Variants in FLOT1 observed in about 807,000 individuals in gnomAD.
FLOT1 encodes the protein flotillin-1.
A neutral mutation model predicts 58.4 loss-of-function variants in FLOT1; 40 were observed. That is an observed-to-expected ratio of 0.69 (90% confidence interval 0.53 to 0.89). The LOEUF (loss-of-function observed/expected upper bound fraction) is 0.89, where lower values mean the gene tolerates loss of function less well. Ranked by LOEUF, FLOT1 falls within the 40% of genes least tolerant of loss-of-function variation. The probability of loss-of-function intolerance (pLI) is 0.00; values close to 1 mark genes in which losing one functional copy is unlikely to be tolerated. For missense variants in FLOT1, 423 were observed against 540.8 expected (o/e 0.78, Z 2.16); for synonymous variants, 178 against 204.2 (o/e 0.87, Z 1.09).
At position 30,727,973 on chromosome 6, in the gene FLOT1, C is replaced by T; in HGVS notation, c.*143G>A. On this transcript the variant is annotated 3_prime_UTR_variant, in exon 13 of 13. Coordinates refer to ENST00000376389, the MANE Select transcript of FLOT1 (RefSeq NM_005803.4). ...GGGAGCAACCCCCTTCAAGACAAGG[C>T]ACAAACTATTTGGCAAGGAGAGATG... 1.2e-6 allele frequency: 1 copy of T among 805,734 alleles called. No individual in the cohort carries two copies. Among genetic ancestry groups the T allele is most frequent in the Non-Finnish European group, 2.2e-6 (1 of 464,310 alleles). 49.9% of individuals were successfully genotyped at this position (805,734 alleles called of 1,614,324 possible).
At chr6:30,732,758 G>A (rs978480523) in intron 8 of FLOT1, among the ~76,000 whole-genome samples, 2 of 151,966 alleles carry the variant, frequency 1.3e-5, no homozygotes, top group African/African-American at 2.4e-5. Context: ...ACCTTCCCCC[G>A]GGCCCATCTG....
At position 30,741,942 on chromosome 6, in the gene FLOT1, G is replaced by T; in HGVS notation, c.44-75C>A. The T allele has an allele frequency of 7.1e-7, 1 of 1,401,224 alleles. No individual in the cohort carries two copies. Among genetic ancestry groups the T allele is most frequent in the Non-Finnish European group, 1.0e-6 (1 of 993,946 alleles). 86.8% of individuals were successfully genotyped at this position (1,401,224 alleles called of 1,614,324 possible). A position where few individuals can be genotyped will look rare whatever the true frequency, so the allele number is the denominator to read the frequency against. On this transcript the variant is annotated intron_variant, in intron 2 of 12. Transcript: ENST00000376389. The surrounding 1 kb of genome is among the most constrained non-coding windows in gnomAD (Gnocchi z 5.9). ...GACTGAGGAACTGGCGGGGGTGAGG[G>T]GACAGCAACCCACAGGAGAGAATCT... is the stretch of plus-strand genomic sequence containing the variant.
intron 10 of FLOT1, 22 bp downstream of exon 10, chr6:30,730,660 A>G (rs762699731): frequency 6.2e-7 from 1 of 1,613,816 alleles, no homozygotes; most frequent in South Asian, 1.1e-5. Flanking sequence ...ACAAGCCAGC[A>G]TGGAACTGCC....
chr6:30,742,319 G>A lies in FLOT1; in HGVS notation c.-14-116C>T. On this transcript the variant is annotated intron_variant, in intron 1 of 12. Coordinates refer to ENST00000376389, the MANE Select transcript of FLOT1 (RefSeq NM_005803.4). This position sits in a 1 kb window ranked among gnomAD's most constrained non-coding sequence, Gnocchi z 5.2. ...TCCCAGTCTGCATCCGCCACGGCCC[G>A]TCCCTTCTACACCCATGGGTCCGCT... 1 of 855,090 alleles carries A rather than the reference G, an allele frequency of 1.2e-6. No individual in the cohort carries two copies. The highest frequency in any genetic ancestry group is 2.0e-6 in the Non-Finnish European group (1 of 504,730). 53.0% of individuals were successfully genotyped at this position (855,090 alleles called of 1,614,324 possible). A position where few individuals can be genotyped will look rare whatever the true frequency, so the allele number is the denominator to read the frequency against.
In FLOT1 at chr6:30,741,884, A is replaced by C; in HGVS notation, c.44-17T>G. 6.2e-7 allele frequency: 1 copy of C among 1,610,228 alleles called. No individual in the cohort carries two copies. Among genetic ancestry groups the C allele is most frequent in the African/African-American group, 1.3e-5 (1 of 74,960 alleles). On this transcript the variant is annotated splice_polypyrimidine_tract_variant and intron_variant, in intron 2 of 12. Coordinates refer to ENST00000376389, the MANE Select transcript of FLOT1 (RefSeq NM_005803.4). This position sits in a 1 kb window ranked among gnomAD's most constrained non-coding sequence, Gnocchi z 5.9. Reference sequence around the variant, plus strand: ...GGCAGAACCCTGCAAGGTGTGGGGCAGTGAGGAACGGTGGCAGAGCTTGAA... The same window carrying C: ...GGCAGAACCCTGCAAGGTGTGGGGCCGTGAGGAACGGTGGCAGAGCTTGAA...
In FLOT1 at chr6:30,737,435, T is replaced by A. The variant is rs1562188993; in HGVS notation, c.723+2723A>T. On this transcript the variant is annotated intron_variant, in intron 8 of 12. Transcript: ENST00000376389. This position sits in a 1 kb window ranked among gnomAD's most constrained non-coding sequence, Gnocchi z 4.4. Reference sequence around the variant, plus strand: ...CCACACCCGGCTAATATTTTTTGTATTTTTGGTAGAGACAGGGTTTCACTG... The same window carrying A: ...CCACACCCGGCTAATATTTTTTGTAATTTTGGTAGAGACAGGGTTTCACTG... Among the ~76,000 whole-genome samples, 4 of 152,096 alleles carry A rather than the reference T, an allele frequency of 2.6e-5. No homozygotes were observed. Among genetic ancestry groups the A allele is most frequent in the Admixed American group, 2.0e-4 (3 of 15,252 alleles).
intron 8 of FLOT1, among the ~76,000 whole-genome samples, chr6:30,738,130 G>A (rs1295454838): frequency 1.3e-5 from 2 of 152,138 alleles, no homozygotes; most frequent in Non-Finnish European, 2.9e-5. Flanking sequence ...AAACTCCAAT[G>A]TGCATACAAA....
At chr6:30,729,956 T>G in intron 12 of FLOT1, 66 bp downstream of exon 12, 1 of 1,451,340 alleles carries the variant, frequency 6.9e-7, no homozygotes, top group Non-Finnish European at 9.6e-7. Flanking sequence ...GGTTAAATGC[T>G]AGGCATACTG....
At chr6:30,734,309 CTT>C (rs568968027) in intron 8 of FLOT1, among the ~76,000 whole-genome samples, 23 of 135,746 alleles carry the variant, frequency 1.7e-4, no homozygotes, top group Non-Finnish European at 1.8e-4. Context: ...ATGTGCTTGA[CTT>C]TTTTTTTTTT....
chr6:30,738,247 T>TAA (rs1482497143), intron 8 of FLOT1, among the ~76,000 whole-genome samples: 4 of 152,224 alleles, frequency 2.6e-5, no homozygotes, highest in Non-Finnish European at 5.9e-5. Flanking sequence ...GCAGTGATGC[T>TAA]GCAGCTGCTG....
chr6:30,740,895 T>A (rs1186694892), intron 5 of FLOT1, 97 bp from the exon 6 acceptor site: 6 of 1,480,988 alleles, frequency 4.1e-6, no homozygotes, highest in Non-Finnish European at 5.4e-6. Context: ...CAAGTGATTC[T>A]CCTGCCTCAG....
chr6:30,739,374 T>C (rs1374893923), intron 8 of FLOT1, among the ~76,000 whole-genome samples: 2 of 151,926 alleles, frequency 1.3e-5, no homozygotes, highest in Non-Finnish European at 2.9e-5. Flanking sequence ...TCTCTTTTTT[T>C]TTTTTCTTTT....
Position 30,742,181 on chromosome 6 carries a change from GA to G in FLOT1, c.8del (p.Phe3SerfsTer44). The part of the protein sequence containing the change: MF[F>X]TCGPNEAMVV... ...CCATGGCCTCATTTGGGCCACAAGT[GA>G]AAAACATGGTTCAGGCTGGAGCTGG... On this transcript the variant is annotated frameshift_variant, in exon 2 of 13. Transcript: ENST00000376389. LOFTEE classifies it high-confidence loss of function. The surrounding 1 kb of genome is among the most constrained non-coding windows in gnomAD (Gnocchi z 5.2). 1 of 1,612,968 alleles carries G rather than the reference GA, an allele frequency of 6.2e-7. No individual in the cohort carries two copies.
intron 8 of FLOT1, among the ~76,000 whole-genome samples, chr6:30,739,333 C>T (rs1777796566): frequency 6.6e-6 from 1 of 152,072 alleles, no homozygotes; most frequent in Non-Finnish European, 1.5e-5. Context: ...AACATATGAT[C>T]AGCCTTATTG....
intron 6 of FLOT1, 43 bp from the exon 7 acceptor site, chr6:30,740,634 A>G (rs769166000): frequency 6.2e-7 from 1 of 1,612,992 alleles, no homozygotes; most frequent in South Asian, 1.1e-5. Flanking sequence ...AGGGCTTAAG[A>G]GATGGGAGCA....
At position 30,730,999 on chromosome 6, in the gene FLOT1, C is replaced by T; in HGVS notation, c.825G>A (p.Arg275=). ...VAVQEQEIAR[R]EKELEARVRK... Reference sequence around the variant, plus strand: ...GCACCCGGGCCTCCAGCTCCTTCTCCCGCCGGGCGATCTCCTGCTCCTGCA... The same window carrying T: ...GCACCCGGGCCTCCAGCTCCTTCTCTCGCCGGGCGATCTCCTGCTCCTGCA... The change falls in exon 9 of 13, where the codon CGG becomes CGA. Residue 275 remains arginine, a synonymous_variant. Coordinates refer to ENST00000376389, the MANE Select transcript of FLOT1 (RefSeq NM_005803.4). 1.2e-6 allele frequency: 2 copies of T among 1,613,830 alleles called. No individual in the cohort carries two copies. The highest frequency in any genetic ancestry group is 8.5e-7 in the Non-Finnish European group (1 of 1,180,012).
At chr6:30,732,157 C>T (rs1266122669) in intron 8 of FLOT1, among the ~76,000 whole-genome samples, 2 of 151,718 alleles carry the variant, frequency 1.3e-5, no homozygotes, top group Non-Finnish European at 2.9e-5. Context: ...TTAGTAGAGA[C>T]GGGGTTTCAC....
At chr6:30,731,181 G>A in intron 8 of FLOT1, 81 bp from the exon 9 acceptor site, 1 of 1,416,676 alleles carries the variant, frequency 7.1e-7, no homozygotes, top group Non-Finnish European at 9.5e-7. Flanking sequence ...CTCCAGAGTG[G>A]GATATAAAAA....
chr6:30,741,069 G>T lies in FLOT1; in HGVS notation c.354+121C>A. ...CCCAAAGTGCTGGGATTACAGGCAT[G>T]AACCACCCTGCCCGGCCGGGATGTA... On this transcript the variant is annotated intron_variant, in intron 5 of 12. Coordinates refer to ENST00000376389, the MANE Select transcript of FLOT1 (RefSeq NM_005803.4). The surrounding 1 kb of genome is among the most constrained non-coding windows in gnomAD (Gnocchi z 5.9). The T allele has an allele frequency of 7.7e-7, 1 of 1,292,560 alleles. No individual in the cohort carries two copies. The highest frequency in any genetic ancestry group is 2.1e-5 in the Admixed American group (1 of 47,134). The allele number at this position is 1,292,560 out of a possible 1,614,324, so 80.1% of individuals were successfully genotyped here.
Sources: allele counts gnomAD v4.1 joint callset (sites outside exome capture counted in the v4.1 genomes callset), GRCh38; gene constraint gnomAD v4.1.1; non-coding constraint Gnocchi (gnomAD v3.1); transcripts MANE v1.5; gene names NCBI Gene and HGNC (gene_info 2026-07-23, HGNC 2026-07-21).